MIOS: variants seen among roughly 807,000 people sequenced by gnomAD.
The protein encoded by MIOS is meiosis regulator for oocyte development.
Under a neutral mutation model 96.9 loss-of-function variants are expected in MIOS, and 52 were observed. That is an observed-to-expected ratio of 0.54 (90% CI 0.43 to 0.68). MIOS has a LOEUF of 0.68. Among genes scored for constraint, MIOS ranks in the 30% least tolerant of loss-of-function variants. The pLI is 0.00. For missense variants in MIOS, 1,005 were observed against 1,052.8 expected, an observed-to-expected ratio of 0.95 and a Z score of 0.63; for synonymous variants, 397 against 359.5, an observed-to-expected ratio of 1.10 and a Z score of -1.18.
chr7:7,583,797 C>CT (rs1358447590), intron 6 of MIOS, among the ~76,000 whole-genome samples: 1 of 152,108 alleles, frequency 6.6e-6, no homozygotes, highest in Non-Finnish European at 1.5e-5. Flanking sequence ...TTAAGAAACT[C>CT]TGAATGACAC....
chr7:7,573,819 T>C lies in MIOS; in HGVS notation c.1294+50T>C, dbSNP rs1248380362. 2 of 1,503,434 alleles carry C rather than the reference T, an allele frequency of 1.3e-6. No individual in the cohort carries two copies. The highest frequency in any genetic ancestry group is 2.2e-5 in the Admixed American group (1 of 44,880). The allele number at this position is 1,503,434 out of a possible 1,614,324, so 93.1% of individuals were successfully genotyped here. On this transcript the variant is annotated intron_variant, in intron 4 of 12. Transcript: ENST00000340080. This position sits in a 1 kb window ranked among gnomAD's most constrained non-coding sequence, Gnocchi z 5.0. ...TGAGGTGAATCAGGTAGAAATGTTC[T>C]TGAAGTTTGCCAAAAGGTCAGTCTG...
At position 7,573,854 on chromosome 7, in the gene MIOS, T is replaced by C. The variant is rs1783436447; in HGVS notation, c.1294+85T>C. On this transcript the variant is annotated intron_variant, in intron 4 of 12. Transcript: ENST00000340080. The surrounding 1 kb of genome is among the most constrained non-coding windows in gnomAD (Gnocchi z 5.0). ...CCAAAAGGTCAGTCTGTAAATATGC[T>C]CAATGTTTTATATACAAATACAAGT... The C allele has an allele frequency of 1.6e-6, 2 of 1,243,692 alleles. No homozygotes were observed. Among genetic ancestry groups the C allele is most frequent in the Non-Finnish European group, 2.2e-6 (2 of 894,032 alleles). 77.0% of individuals were successfully genotyped at this position (1,243,692 alleles called of 1,614,324 possible).
At chr7:7,599,320 C>G (rs1412951979) in intron 11 of MIOS, among the ~76,000 whole-genome samples, 1 of 152,120 alleles carries the variant, frequency 6.6e-6, no homozygotes, top group Non-Finnish European at 1.5e-5. Context: ...TTAGACTTCC[C>G]TCAAGGTGTA....
At chr7:7,587,540 T>C (rs922606414) in intron 7 of MIOS, among the ~76,000 whole-genome samples, 3 of 152,308 alleles carry the variant, frequency 2.0e-5, no homozygotes, top group Admixed American at 6.5e-5. Context: ...CTCTGCCCCA[T>C]TTACCATAGC....
At chr7:7,580,103 G>A (rs1478971053) in intron 5 of MIOS, among the ~76,000 whole-genome samples, 1 of 152,132 alleles carries the variant, frequency 6.6e-6, no homozygotes, top group Non-Finnish European at 1.5e-5. Context: ...TTATAGGAGA[G>A]ATATGAAAAT....
chr7:7,588,656 A>T, intron 8 of MIOS, 93 bp downstream of exon 8: 1 of 672,946 alleles, frequency 1.5e-6, no homozygotes, highest in East Asian at 3.3e-5. Flanking sequence ...TATGTATGAG[A>T]TTGATAAGCT....
intron 11 of MIOS, among the ~76,000 whole-genome samples, chr7:7,602,491 A>G (rs1784408170): frequency 6.6e-6 from 1 of 152,152 alleles, no homozygotes; most frequent in Non-Finnish European, 1.5e-5. Context: ...CAAAGAGAAT[A>G]AAATACCTAG....
rs1242567910 is a variant in MIOS, at chr7:7,585,691, G to A, written c.1704G>A (p.Lys568=). Residue 568 remains lysine, a synonymous_variant, in exon 7 of 13, where the codon AAG becomes AAA. Coordinates refer to ENST00000340080, the MANE Select transcript of MIOS (RefSeq NM_019005.4). ...AMALSGYTDE[K]NSLWREMCST... The stretch of plus-strand genomic sequence containing the variant: ...CTTTATCGGGTTATACGGATGAGAA[G>A]AACTCCCTTTGGAGAGAAATGTGTA... 1 of 1,609,804 alleles carries A rather than the reference G, an allele frequency of 6.2e-7. No homozygotes were observed. The highest frequency in any genetic ancestry group is 8.5e-7 in the Non-Finnish European group (1 of 1,178,128).
intron 12 of MIOS, 142 bp from the exon 13 acceptor site, chr7:7,606,854 G>C (rs1784545273): frequency 3.2e-6 from 2 of 622,314 alleles, no homozygotes; most frequent in East Asian, 6.1e-5. Context: ...AGGAGGCTGA[G>C]GCAGGAGGAT....
intron 5 of MIOS, among the ~76,000 whole-genome samples, chr7:7,577,315 T>C (rs1369672222): frequency 1.3e-5 from 2 of 152,204 alleles, no homozygotes; most frequent in East Asian, 3.8e-4. Flanking sequence ...AATTTAGGAC[T>C]AGGAGAAGGT....
intron 11 of MIOS, among the ~76,000 whole-genome samples, chr7:7,603,386 C>G (rs1021642963): frequency 6.6e-6 from 1 of 152,114 alleles, no homozygotes; most frequent in Non-Finnish European, 1.5e-5. Flanking sequence ...ACAACCCCAT[C>G]AAAAACTGGG....
intron 5 of MIOS, among the ~76,000 whole-genome samples, chr7:7,580,694 CTTTTTTT>C (rs377207804): frequency 3.8e-5 from 5 of 129,980 alleles, no homozygotes; most frequent in African/African-American, 1.4e-4. Context: ...ACTATTTTAC[CTTTTTTT>C]TTTTTTTTTT....
intron 11 of MIOS, among the ~76,000 whole-genome samples, chr7:7,600,935 A>G (rs934743621): frequency 3.3e-5 from 5 of 152,192 alleles, no homozygotes; most frequent in Non-Finnish European, 7.3e-5. Flanking sequence ...GCTCAACTAC[A>G]TGGAAACTGA....
At chr7:7,594,947 A>G (rs1255662508) in intron 9 of MIOS, 33 bp from the exon 10 acceptor site, 1 of 1,539,432 alleles carries the variant, frequency 6.5e-7, no homozygotes, top group East Asian at 2.4e-5. Context: ...AGGAGATTTT[A>G]AACAATTGAA....
At chr7:7,595,493 A>G (rs1784178122) in intron 10 of MIOS, among the ~76,000 whole-genome samples, 1 of 152,220 alleles carries the variant, frequency 6.6e-6, no homozygotes, top group South Asian at 2.1e-4. Flanking sequence ...AGACTTTAGC[A>G]GTATTACCTA....
In MIOS at chr7:7,572,819, A is replaced by C; in HGVS notation, c.344A>C (p.Gln115Pro). The change falls in exon 4 of 13, where the codon CAA becomes CCA. Residue 115 changes from glutamine to proline, a missense_variant. Coordinates refer to ENST00000340080, the MANE Select transcript of MIOS (RefSeq NM_019005.4). This position sits in a 1 kb window ranked among gnomAD's most constrained non-coding sequence, Gnocchi z 4.8. ...GKEFVPKHAR[Q>P]CNTLAWNPLD... ...GAGTTTGTTCCAAAACATGCACGAC[A>C]ATGTAATACCCTTGCCTGGAATCCA... The C allele has an allele frequency of 6.2e-7, 1 of 1,614,194 alleles. No individual in the cohort carries two copies. The highest frequency in any genetic ancestry group is 1.1e-5 in the South Asian group (1 of 91,082).
chr7:7,603,833 C>G (rs763402512), intron 11 of MIOS, among the ~76,000 whole-genome samples: 24 of 152,006 alleles, frequency 1.6e-4, no homozygotes, highest in Admixed American at 2.6e-4. Context: ...CAATGATAGA[C>G]TGGATTAAGA....
intron 11 of MIOS, among the ~76,000 whole-genome samples, chr7:7,600,772 C>G (rs1346762762): frequency 6.6e-6 from 1 of 152,178 alleles, no homozygotes; most frequent in Non-Finnish European, 1.5e-5. Context: ...ACATTCTTTT[C>G]AGCACCACAC....
intron 6 of MIOS, among the ~76,000 whole-genome samples, chr7:7,584,532 C>T (rs1355152919): frequency 6.6e-6 from 1 of 152,102 alleles, no homozygotes; most frequent in Non-Finnish European, 1.5e-5. Flanking sequence ...TCCAAAGATA[C>T]TTCTTTGCTA....
Sources: allele counts gnomAD v4.1 joint callset (sites outside exome capture counted in the v4.1 genomes callset), GRCh38; gene constraint gnomAD v4.1.1; non-coding constraint Gnocchi (gnomAD v3.1); transcripts MANE v1.5; gene names NCBI Gene and HGNC (gene_info 2026-07-23, HGNC 2026-07-21).